Variants in NTM observed in about 807,000 individuals in gnomAD.
The protein encoded by NTM is neurotrimin, also known as IgLON family member 2.
Under a neutral mutation model 42.1 loss-of-function variants are expected in NTM, and 13 were observed. The ratio of observed to expected loss-of-function variants is 0.31; its 90% CI spans 0.20 to 0.49. The LOEUF (loss-of-function observed/expected upper bound fraction) is 0.49. Ranked by LOEUF, NTM falls within the 20% of genes least tolerant of loss-of-function variation. The pLI, the probability that NTM is intolerant of heterozygous loss-of-function variation, is 0.99. For missense variants in NTM, 373 were observed against 452.8 expected (o/e 0.82, Z 1.60); for synonymous variants, 187 against 179.2 (o/e 1.04, Z -0.35).
chr11:131,457,392 AAG>A (rs1950988953), intron 1 of NTM, among the ~76,000 whole-genome samples: 1 of 151,944 alleles, frequency 6.6e-6, no homozygotes. Flanking sequence ...AGGAACCCAA[AAG>A]AGGGGTGGGG....
At chr11:131,523,111 G>T (rs1035227710) in intron 1 of NTM, among the ~76,000 whole-genome samples, 2 of 152,174 alleles carry the variant, frequency 1.3e-5, no homozygotes, top group African/African-American at 4.8e-5. Flanking sequence ...CCGACTTAGT[G>T]TCCCTTTTTC....
At chr11:131,477,219 C>T (rs1342897182) in intron 1 of NTM, among the ~76,000 whole-genome samples, 3 of 152,078 alleles carry the variant, frequency 2.0e-5, no homozygotes, top group Non-Finnish European at 4.4e-5. Context: ...TATAAGAATC[C>T]TAGTCATAAC....
Position 132,310,172 on chromosome 11 carries a change from T to G in NTM, c.722T>G (p.Leu241Arg). 6.2e-7 allele frequency: 1 copy of G among 1,611,286 alleles called. No individual in the cohort carries two copies. Among genetic ancestry groups the G allele is most frequent in the African/African-American group, 1.3e-5 (1 of 74,726 alleles). The change falls in exon 6 of 9, where the codon CTG becomes CGG. Residue 241 changes from leucine (L) to arginine (R), a missense_variant. Physicochemically the swap from Leu to Arg is moderately radical, Grantham distance 102. Coordinates refer to ENST00000683400, the MANE Select transcript of NTM (RefSeq NM_001352005.2). ...TGVPVGQKGT[L>R]QCEASAVPSA... Reference sequence around the variant, plus strand: ...GTCCCCGTGGGACAAAAGGGGACACTGCAGTGTGAAGCCTCAGCAGTCCCC... The same window carrying G: ...GTCCCCGTGGGACAAAAGGGGACACGGCAGTGTGAAGCCTCAGCAGTCCCC...
chr11:132,332,943 G>A (rs2095827886), intron 8 of NTM, among the ~76,000 whole-genome samples: 1 of 152,144 alleles, frequency 6.6e-6, no homozygotes, highest in African/African-American at 2.4e-5. Flanking sequence ...TAGTCACAGG[G>A]AGGGAGCGGG....
At chr11:131,550,562 C>G (rs1177706154) in intron 1 of NTM, among the ~76,000 whole-genome samples, 1 of 152,168 alleles carries the variant, frequency 6.6e-6, no homozygotes, top group African/African-American at 2.4e-5. Flanking sequence ...GCCTTCTTCC[C>G]CTTCGCCTTC....
At chr11:131,562,277 G>A (rs905181200) in intron 1 of NTM, among the ~76,000 whole-genome samples, 4 of 152,170 alleles carry the variant, frequency 2.6e-5, no homozygotes, top group Admixed American at 6.5e-5. Context: ...GTCTCTGGGC[G>A]ATTCATCTTG....
intron 4 of NTM, among the ~76,000 whole-genome samples, chr11:132,276,996 T>C (rs1272528430): frequency 6.6e-6 from 1 of 152,238 alleles, no homozygotes; most frequent in Non-Finnish European, 1.5e-5. Flanking sequence ...GATTTTTTTA[T>C]GTTGATTTTG....
intron 1 of NTM, among the ~76,000 whole-genome samples, chr11:131,552,071 CAG>C (rs1231898105): frequency 6.6e-6 from 1 of 151,878 alleles, no homozygotes; most frequent in Non-Finnish European, 1.5e-5. Flanking sequence ...CTAGGTAACA[CAG>C]AGAGGCAAGT....
At chr11:131,528,808 T>C (rs939488007) in intron 1 of NTM, among the ~76,000 whole-genome samples, 1 of 152,228 alleles carries the variant, frequency 6.6e-6, no homozygotes, top group African/African-American at 2.4e-5. Flanking sequence ...CCTATGACTG[T>C]AGCTTATATG....
intron 1 of NTM, among the ~76,000 whole-genome samples, chr11:131,781,059 G>A (rs2088008969): frequency 1.3e-5 from 2 of 151,648 alleles, no homozygotes; most frequent in Non-Finnish European, 1.5e-5. Flanking sequence ...TTTTCATAAA[G>A]GCAAAAAAAT....
At chr11:131,705,996 T>C (rs2076554755) in intron 1 of NTM, among the ~76,000 whole-genome samples, 2 of 152,026 alleles carry the variant, frequency 1.3e-5, no homozygotes, top group East Asian at 3.8e-4. Flanking sequence ...AATAATTACT[T>C]TAAATGTAAA....
At chr11:131,600,938 G>C (rs2060429426) in intron 1 of NTM, among the ~76,000 whole-genome samples, 1 of 152,098 alleles carries the variant, frequency 6.6e-6, no homozygotes, top group South Asian at 2.1e-4. Context: ...CAGGATCAGG[G>C]ATCATCTGAT....
At chr11:132,086,787 T>C (rs2059772893) in intron 2 of NTM, among the ~76,000 whole-genome samples, 1 of 152,206 alleles carries the variant, frequency 6.6e-6, no homozygotes, top group South Asian at 2.1e-4. Flanking sequence ...TTTTACCCTT[T>C]TGTCAGTGTG....
chr11:132,024,644 G>T (rs2074911551), intron 2 of NTM, among the ~76,000 whole-genome samples: 3 of 152,168 alleles, frequency 2.0e-5, no homozygotes, highest in Non-Finnish European at 4.4e-5. Context: ...TCTCTCTAAA[G>T]AGAGGGATAA....
intron 1 of NTM, among the ~76,000 whole-genome samples, chr11:131,871,761 G>T (rs950494265): frequency 3.9e-5 from 6 of 152,070 alleles, no homozygotes; most frequent in Admixed American, 1.3e-4. Context: ...AGGCCACCCT[G>T]CCCTGGGCTC....
At chr11:132,084,441 T>C (rs7925073) in intron 2 of NTM, among the ~76,000 whole-genome samples, 100,019 of 151,954 alleles carry the variant, frequency 0.66, 33,876 homozygotes, top group African/African-American at 0.78. Context: ...TTGTTAATTC[T>C]ATGTACCTAA....
chr11:132,191,760 A>C (rs2079361303), intron 3 of NTM, among the ~76,000 whole-genome samples: 1 of 152,218 alleles, frequency 6.6e-6, no homozygotes, highest in Non-Finnish European at 1.5e-5. Context: ...GTTGAAACCC[A>C]ATCCAAGGAA....
intron 2 of NTM, among the ~76,000 whole-genome samples, chr11:132,135,028 C>T (rs1037276737): frequency 6.6e-6 from 1 of 152,034 alleles, no homozygotes; most frequent in Admixed American, 6.6e-5. Flanking sequence ...GCTCCTGCCA[C>T]CCACTGAACT....
Position 132,248,685 on chromosome 11 carries a change from C to A in NTM, c.526+36538C>A, listed in dbSNP as rs116891812. Among the ~76,000 whole-genome samples, 262 of 152,316 alleles carry A rather than the reference C, an allele frequency of 1.7e-3. 2 individuals carry two copies. The East Asian group carries it at 0.021, about 12-fold the overall frequency. ...TATCAAGCTGGTGGCTGTCAGTGGT[C>A]CACCACGCATCAGGTCTAAATAAAG... On this transcript the variant is annotated intron_variant, in intron 4 of 8. Coordinates refer to ENST00000683400, the MANE Select transcript of NTM (RefSeq NM_001352005.2).
Sources: allele counts gnomAD v4.1 joint callset (sites outside exome capture counted in the v4.1 genomes callset), GRCh38; gene constraint gnomAD v4.1.1; transcripts MANE v1.5; gene names NCBI Gene and HGNC (gene_info 2026-07-23, HGNC 2026-07-21).